ADARB2: variants seen among roughly 807,000 people sequenced by gnomAD.
The protein encoded by ADARB2 is adenosine deaminase RNA specific B2 (inactive).
Under a neutral mutation model 62.2 loss-of-function variants are expected in ADARB2, and 25 were observed. The ratio of observed to expected loss-of-function variants is 0.40; its 90% CI spans 0.29 to 0.56. ADARB2 has a LOEUF of 0.56. Among genes scored for constraint, ADARB2 ranks in the 20% least tolerant of loss-of-function variants. ADARB2 has a pLI of 0.43. For synonymous variants in ADARB2, 572 were observed against 500.8 expected, an observed-to-expected ratio of 1.14 and a Z score of -1.90; for missense variants, 1,071 against 1,077.4, an observed-to-expected ratio of 0.99 and a Z score of 0.08.
rs899583523 is a variant in ADARB2 at position 1,737,120 on chromosome 10, A to C, written c.31T>G (p.Ser11Ala). 2 of 1,609,672 alleles carry C rather than the reference A, an allele frequency of 1.2e-6. No homozygotes were observed. Among genetic ancestry groups the C allele is most frequent in the Admixed American group, 1.7e-5 (1 of 59,982 alleles). ...TTGAGTTGACTGCTCAGCCCTCCAG[A>C]CCCTCTGCCGCTCCCCAGGACCGAG... MASVLGSGRG[S>A]GGLSSQLKCK... The change falls in exon 1 of 10, where the codon TCT (serine) becomes GCT (alanine). Residue 11 changes from serine (S) to alanine (A), a missense_variant. Transcript: ENST00000381312.
chr10:1,510,110 C>CTTTCTTTCTTTTTTCTTTCTT (rs1289777469), intron 1 of ADARB2, among the ~76,000 whole-genome samples: 1 of 106,184 alleles, frequency 9.4e-6, no homozygotes, highest in African/African-American at 3.6e-5. Context: ...CTTTCTTTCT[C>CTTTCTTTCTTTTTTCTTTCTT]TCTTTCTTTC....
At chr10:1,595,359 G>A (rs1199599000) in intron 1 of ADARB2, among the ~76,000 whole-genome samples, 1 of 152,216 alleles carries the variant, frequency 6.6e-6, no homozygotes, top group Non-Finnish European at 1.5e-5. Flanking sequence ...AAGACCAACT[G>A]AGCACCCGGC....
At chr10:1,583,452 G>A (rs1833133434) in intron 1 of ADARB2, among the ~76,000 whole-genome samples, 1 of 152,202 alleles carries the variant, frequency 6.6e-6, no homozygotes, top group African/African-American at 2.4e-5. Context: ...GCCTAAAGGA[G>A]ATGAATGGCT....
At chr10:1,396,711 C>T (rs71491374) in intron 1 of ADARB2, among the ~76,000 whole-genome samples, 6,207 of 71,708 alleles carry the variant, frequency 0.087, 23 homozygotes, top group East Asian at 0.16. Context: ...CCCTCCCGAG[C>T]GGAGGCTTCC....
chr10:1,619,658 G>A (rs915528127), intron 1 of ADARB2, among the ~76,000 whole-genome samples: 2 of 152,082 alleles, frequency 1.3e-5, no homozygotes, highest in Admixed American at 1.3e-4. Context: ...CACCATGTTG[G>A]CCAGGAGGGT....
chr10:1,718,490 G>A (rs1003577400), intron 1 of ADARB2, among the ~76,000 whole-genome samples: 1 of 152,216 alleles, frequency 6.6e-6, no homozygotes, highest in African/African-American at 2.4e-5. Context: ...CCTTTTGTGT[G>A]TGTGCATGCC....
At chr10:1,566,534 G>A (rs1370941077) in intron 1 of ADARB2, among the ~76,000 whole-genome samples, 1 of 152,018 alleles carries the variant, frequency 6.6e-6, no homozygotes, top group African/African-American at 2.4e-5. Context: ...TGGTTACTGT[G>A]GGGAAAAAGA....
chr10:1,370,371 C>T (rs977330803), intron 2 of ADARB2, among the ~76,000 whole-genome samples: 35 of 152,314 alleles, frequency 2.3e-4, no homozygotes, highest in African/African-American at 7.9e-4. Context: ...AAGTTGAAAG[C>T]ATTTCCCTAA....
intron 1 of ADARB2, among the ~76,000 whole-genome samples, chr10:1,612,730 GTTAT>G (rs1176716708): frequency 6.6e-6 from 1 of 152,092 alleles, no homozygotes; most frequent in Non-Finnish European, 1.5e-5. Context: ...TGCATATCTT[GTTAT>G]TTATTTGTTT....
chr10:1,467,126 G>A (rs571499075), intron 1 of ADARB2, among the ~76,000 whole-genome samples: 1 of 152,200 alleles, frequency 6.6e-6, no homozygotes, highest in Non-Finnish European at 1.5e-5. Context: ...GAGACTCCTT[G>A]GTTTATAGCC....
chr10:1,553,143 GT>G (rs1190253773), intron 1 of ADARB2, among the ~76,000 whole-genome samples: 1 of 152,206 alleles, frequency 6.6e-6, no homozygotes, highest in Non-Finnish European at 1.5e-5. Context: ...CAGACACCAG[GT>G]GGCTCATAAC....
At chr10:1,235,115 T>G (rs545740873) in intron 5 of ADARB2, among the ~76,000 whole-genome samples, 1 of 151,692 alleles carries the variant, frequency 6.6e-6, no homozygotes, top group Non-Finnish European at 1.5e-5. Context: ...TCTACACACC[T>G]GTGATTCTGT....
intron 1 of ADARB2, among the ~76,000 whole-genome samples, chr10:1,722,845 T>C (rs1835109969): frequency 6.6e-6 from 1 of 152,208 alleles, no homozygotes; most frequent in Non-Finnish European, 1.5e-5. Context: ...CCTTTAACCC[T>C]CAAATCAAAA....
At chr10:1,588,059 C>A (rs942086211) in intron 1 of ADARB2, among the ~76,000 whole-genome samples, 1 of 152,144 alleles carries the variant, frequency 6.6e-6, no homozygotes, top group Non-Finnish European at 1.5e-5. Flanking sequence ...AATACTATGA[C>A]AAGGGGAAAA....
intron 3 of ADARB2, among the ~76,000 whole-genome samples, chr10:1,345,206 G>C (rs1008849212): frequency 6.6e-6 from 1 of 152,082 alleles, no homozygotes; most frequent in Non-Finnish European, 1.5e-5. Context: ...ACGAGGCCTC[G>C]TCAGACCCAG....
At chr10:1,360,115 C>T (rs899623244) in intron 3 of ADARB2, among the ~76,000 whole-genome samples, 5 of 152,208 alleles carry the variant, frequency 3.3e-5, no homozygotes, top group East Asian at 3.9e-4. Flanking sequence ...GCCAGCCCTG[C>T]GTGGGGTGAG....
chr10:1,651,306 C>A (rs966345087), intron 1 of ADARB2, among the ~76,000 whole-genome samples: 1 of 152,252 alleles, frequency 6.6e-6, no homozygotes, highest in Non-Finnish European at 1.5e-5. Flanking sequence ...AGCCCTGGCT[C>A]GGCGAAGGCC....
intron 1 of ADARB2, among the ~76,000 whole-genome samples, chr10:1,710,791 T>C (rs569031116): frequency 6.6e-6 from 1 of 152,336 alleles, no homozygotes; most frequent in East Asian, 1.9e-4. Context: ...TCGTCTTTAC[T>C]GGCCAGAAAG....
intron 1 of ADARB2, among the ~76,000 whole-genome samples, chr10:1,659,116 T>G (rs1172384182): frequency 6.9e-6 from 1 of 144,516 alleles, no homozygotes; most frequent in Non-Finnish European, 1.5e-5. Context: ...TTCAAATAAC[T>G]GCTCAGCTAT....
Sources: gnomAD v4.1 joint callset for allele counts (sites outside exome capture counted in the v4.1 genomes callset) on GRCh38, gnomAD v4.1.1 for gene constraint, MANE v1.5 for transcripts, NCBI Gene and HGNC (gene_info 2026-07-23, HGNC 2026-07-21) for gene names.